HPD: variants seen among roughly 807,000 people sequenced by gnomAD.
HPD encodes the protein 4-hydroxyphenylpyruvic acid oxidase.
In HPD, 35 loss-of-function variants were observed where a neutral mutation model predicts 56.9. That is an observed-to-expected ratio of 0.62 (90% CI 0.47 to 0.82). The LOEUF (loss-of-function observed/expected upper bound fraction) is 0.82, where lower values mean the gene tolerates loss of function less well. Ranked by LOEUF, HPD falls within the 40% of genes least tolerant of loss-of-function variation. The probability of loss-of-function intolerance (pLI) is 0.00; values close to 1 mark genes in which losing one functional copy is unlikely to be tolerated. For synonymous variants in HPD, 186 were observed against 200.2 expected (o/e 0.93, Z 0.60); for missense variants, 442 against 506.8 (o/e 0.87, Z 1.23).
upstream of HPD, among the ~76,000 whole-genome samples, chr12:121,867,835 TTTTG>T (rs1046273745): frequency 1.1e-4 from 17 of 152,156 alleles, no homozygotes; most frequent in African/African-American, 3.1e-4. Context: ...CTGGCTAAAT[TTTTG>T]TTTGTTTGTT....
rs554245277 is a variant in HPD, at chr12:121,840,055, G to A, written c.955-7C>T. 7 of 1,573,196 alleles carry A rather than the reference G, an allele frequency of 4.4e-6. No homozygotes were observed. In the South Asian group the frequency reaches 6.6e-5, roughly 15 times the overall value. On this transcript the variant is annotated splice_region_variant and splice_polypyrimidine_tract_variant and intron_variant, in intron 12 of 13. Transcript: ENST00000289004. Reference sequence around the variant, plus strand: ...CCACCAGGATTTTCAGCTCCTAGGCGGGAGACAGGGGGCTCTGCTAGGGGA... The same window carrying A: ...CCACCAGGATTTTCAGCTCCTAGGCAGGAGACAGGGGGCTCTGCTAGGGGA...
At chr12:121,869,362 A>G in the HPD span, among the ~76,000 whole-genome samples, 1 of 151,338 alleles carries the variant, frequency 6.6e-6, no homozygotes, top group South Asian at 2.1e-4. Context: ...AAAAAAAAAA[A>G]AAAAAAAAAA....
intron 9 of HPD, among the ~76,000 whole-genome samples, chr12:121,848,658 C>A (rs1877662685): frequency 2.6e-5 from 4 of 151,846 alleles, no homozygotes; most frequent in Admixed American, 2.0e-4. Flanking sequence ...GCTCTGTTTC[C>A]CAGGCTGGAG....
chr12:121,846,983 T>C, intron 10 of HPD, 50 bp from the exon 11 acceptor site: 1 of 1,613,120 alleles, frequency 6.2e-7, no homozygotes, highest in Non-Finnish European at 8.5e-7. Flanking sequence ...ATCACCCACA[T>C]CCCTGACCCT....
the HPD span, among the ~76,000 whole-genome samples, chr12:121,876,938 A>G: frequency 6.6e-6 from 1 of 151,894 alleles, no homozygotes; most frequent in East Asian, 1.9e-4. Flanking sequence ...TACTAAAAAT[A>G]CAAAAATTAG....
the HPD span, among the ~76,000 whole-genome samples, chr12:121,885,690 C>T: frequency 4.1e-4 from 62 of 150,556 alleles, no homozygotes; most frequent in East Asian, 0.012. Context: ...TGGCCAGGTG[C>T]GGTGGCTCAC....
Position 121,849,795 on chromosome 12 carries a change from G to A in HPD, c.415-5C>T, listed in dbSNP as rs759520804. ...GGTGTGTGTGGTGTCCCCATACTACGGGTGGAAAACAGCCTGGCTCGGCCC... is the reference window on the plus strand; with the variant it reads ...GGTGTGTGTGGTGTCCCCATACTACAGGTGGAAAACAGCCTGGCTCGGCCC... On this transcript the variant is annotated splice_region_variant and splice_polypyrimidine_tract_variant and intron_variant, in intron 7 of 13. Coordinates refer to ENST00000289004, the MANE Select transcript of HPD (RefSeq NM_002150.3). 17 of 1,604,330 alleles carry A rather than the reference G, an allele frequency of 1.1e-5. No individual in the cohort carries two copies. Among genetic ancestry groups the A allele is most frequent in the African/African-American group, 1.3e-5 (1 of 74,692 alleles).
the HPD span, among the ~76,000 whole-genome samples, chr12:121,881,079 A>C: frequency 0.53 from 80,739 of 152,114 alleles, 21,912 homozygotes; most frequent in Middle Eastern, 0.59. Flanking sequence ...GCGTGAGCCA[A>C]CGTGCACAAC....
rs1566574502 is a variant in HPD at position 121,857,308 on chromosome 12, T to C, written c.198+20A>G. ...TTGGCCAGGCAGGGGTTGGGGGCTG[T>C]CCTGGGGGTGGTGACTCACCTTCCC... On this transcript the variant is annotated intron_variant, in intron 4 of 13. Transcript: ENST00000289004. 6.6e-7 allele frequency: 1 copy of C among 1,525,704 alleles called. No individual in the cohort carries two copies. The highest frequency in any genetic ancestry group is 1.1e-5 in the South Asian group (1 of 89,412). The allele number at this position is 1,525,704 out of a possible 1,614,324, so 94.5% of individuals were successfully genotyped here. A position where few individuals can be genotyped will look rare whatever the true frequency, so the allele number is the denominator to read the frequency against.
chr12:121,872,441 G>T, the HPD span, among the ~76,000 whole-genome samples: 49,052 of 151,356 alleles, frequency 0.32, 9,664 homozygotes, highest in East Asian at 0.58. Flanking sequence ...ATGTTGGCCA[G>T]TCTAGTCTTG....
chr12:121,888,593 C>A, the HPD span: 1 of 492,990 alleles, frequency 2.0e-6, no homozygotes, highest in Non-Finnish European at 3.7e-6. Context: ...CATCCCCTAG[C>A]GTTGGTGTGC....
chr12:121,872,860 G>C, the HPD span, among the ~76,000 whole-genome samples: 2 of 152,118 alleles, frequency 1.3e-5, no homozygotes, highest in African/African-American at 4.8e-5. Context: ...GCTGAGAGAA[G>C]ATAGGCTGAT....
chr12:121,850,350 C>A (rs1330070188), intron 7 of HPD, among the ~76,000 whole-genome samples: 1 of 151,568 alleles, frequency 6.6e-6, no homozygotes, highest in African/African-American at 2.4e-5. Context: ...TGGCATGAAC[C>A]CAGGAGGCAG....
At chr12:121,862,922 C>T (rs187409574), upstream of HPD, among the ~76,000 whole-genome samples, 330 of 148,708 alleles carry the variant, frequency 2.2e-3, 1 homozygote, top group South Asian at 0.01. Flanking sequence ...CCTCGTGATT[C>T]GCTCGCCTTG....
At chr12:121,875,883 G>T in the HPD span, among the ~76,000 whole-genome samples, 1 of 152,142 alleles carries the variant, frequency 6.6e-6, no homozygotes, top group African/African-American at 2.4e-5. Flanking sequence ...CATTTTGGGA[G>T]GCTGAGTCTG....
intron 11 of HPD, among the ~76,000 whole-genome samples, chr12:121,845,675 GTCC>G (rs1203947206): frequency 6.6e-6 from 1 of 151,162 alleles, no homozygotes; most frequent in Non-Finnish European, 1.5e-5. Flanking sequence ...AGCTCAAGCA[GTCC>G]TCCTGCCTCG....
chr12:121,867,917 A>G (rs893584739), upstream of HPD, among the ~76,000 whole-genome samples: 1 of 151,886 alleles, frequency 6.6e-6, no homozygotes, highest in African/African-American at 2.4e-5. Flanking sequence ...AAATTCTCCC[A>G]CCTTGGCCTC....
chr12:121,849,045 TG>T lies in HPD; in HGVS notation c.549del (p.His183GlnfsTer19). 1 of 1,613,808 alleles carries T rather than the reference TG, an allele frequency of 6.2e-7. No homozygotes were observed. The highest frequency in any genetic ancestry group is 8.5e-7 in the Non-Finnish European group (1 of 1,179,918). ...TCCTGATCAGGCTGGTTTCCCACAA[TG>T]TGGTCGATCATCTCCAGACTGCATT... is the stretch of plus-strand genomic sequence containing the variant. ...LPKCSLEMID[H>X]IVGNQPDQEM... On this transcript the variant is annotated frameshift_variant, in exon 9 of 14. Coordinates refer to ENST00000289004, the MANE Select transcript of HPD (RefSeq NM_002150.3). LOFTEE classifies it high-confidence loss of function.
chr12:121,852,412 C>T (rs1156763237), intron 7 of HPD, among the ~76,000 whole-genome samples: 1 of 152,014 alleles, frequency 6.6e-6, no homozygotes, highest in Non-Finnish European at 1.5e-5. Flanking sequence ...TCAAGTGATC[C>T]TCCTGCCTCA....
Sources: allele counts gnomAD v4.1 joint callset (sites outside exome capture counted in the v4.1 genomes callset), GRCh38; gene constraint gnomAD v4.1.1; transcripts MANE v1.5; gene names NCBI Gene and HGNC (gene_info 2026-07-23, HGNC 2026-07-21).